Variants in CCDC141 observed in about 807,000 individuals in gnomAD.
The protein encoded by CCDC141 is coiled-coil domain containing 141.
CCDC141 carries 168 observed loss-of-function variants against 181.0 expected under a neutral mutation model. That is an observed-to-expected ratio of 0.93 (90% CI 0.82 to 1.05). The LOEUF (loss-of-function observed/expected upper bound fraction) is 1.05, where lower values mean the gene tolerates loss of function less well. Ranked by LOEUF, CCDC141 falls within the 50% of genes least tolerant of loss-of-function variation. CCDC141 has a pLI of 0.00. For missense variants in CCDC141, 1,902 were observed against 1,788.5 expected (o/e 1.06, Z -1.14); for synonymous variants, 666 against 642.3 (o/e 1.04, Z -0.56).
intron 6 of CCDC141, among the ~76,000 whole-genome samples, chr2:178,941,929 A>C (rs1689531834): frequency 1.6e-5 from 2 of 126,926 alleles, no homozygotes; most frequent in Admixed American, 1.0e-4. Flanking sequence ...ACTGTGCTCC[A>C]GCCTGAGTGA....
At chr2:178,827,167 T>C (rs1684139291), downstream of CCDC141, among the ~76,000 whole-genome samples, 1 of 152,176 alleles carries the variant, frequency 6.6e-6, no homozygotes, top group South Asian at 2.1e-4. Flanking sequence ...ATTTTTGAGC[T>C]TTGTTATTAA....
In CCDC141 at chr2:178,961,347, G is replaced by T; in HGVS notation, c.663C>A (p.Asp221Glu). 6.4e-7 allele frequency: 1 copy of T among 1,550,588 alleles called. No homozygotes were observed. Among genetic ancestry groups the T allele is most frequent in the Non-Finnish European group, 8.7e-7 (1 of 1,146,958 alleles). Reference protein sequence around the residue: ...QGAHSSCLKVDRLLELLQDRR... With the variant: ...QGAHSSCLKVERLLELLQDRR... The stretch of plus-strand genomic sequence containing the variant: ...TGTCTTGTAGAAGTTCAAGAAGGCG[G>T]TCAACCTTCAGACAGCTGCTATGAG... The change falls in exon 5 of 24, where the codon GAC becomes GAA. Residue 221 changes from aspartate (D) to glutamate (E), a missense_variant. Coordinates refer to ENST00000443758, the MANE Select transcript of CCDC141 (RefSeq NM_173648.4).
At chr2:178,982,415 A>G (rs1691460155) in intron 2 of CCDC141, among the ~76,000 whole-genome samples, 1 of 152,232 alleles carries the variant, frequency 6.6e-6, no homozygotes, top group Admixed American at 6.5e-5. Flanking sequence ...AGACTTGTAC[A>G]TTGAAAACTA....
At chr2:178,938,584 A>C (rs899139127) in intron 6 of CCDC141, among the ~76,000 whole-genome samples, 1 of 152,108 alleles carries the variant, frequency 6.6e-6, no homozygotes, top group Non-Finnish European at 1.5e-5. Flanking sequence ...TTTGGGATAA[A>C]AGGTTCTGTA....
At chr2:178,898,160 T>G (rs1687502530) in intron 8 of CCDC141, among the ~76,000 whole-genome samples, 2 of 152,208 alleles carry the variant, frequency 1.3e-5, no homozygotes, top group Admixed American at 6.5e-5. Flanking sequence ...GATGGATTAA[T>G]GTATGTTTCA....
chr2:178,978,314 A>G (rs1559021636), intron 3 of CCDC141, among the ~76,000 whole-genome samples, 170 bp downstream of exon 3: 1 of 152,172 alleles, frequency 6.6e-6, no homozygotes, highest in Admixed American at 6.6e-5. Context: ...AAATAGTAAT[A>G]ATTTTGTTTT....
chr2:178,987,119 G>A (rs1274721624), intron 2 of CCDC141, among the ~76,000 whole-genome samples: 6 of 127,104 alleles, frequency 4.7e-5, no homozygotes, highest in African/African-American at 1.8e-4. Context: ...CCAAAACAGA[G>A]ATATAGATCA....
chr2:178,824,300 A>C, the CCDC141 span, among the ~76,000 whole-genome samples: 174 of 152,276 alleles, frequency 1.1e-3, no homozygotes, highest in African/African-American at 3.9e-3. Context: ...AATGGATTAG[A>C]GTCAGAGCAC....
intron 21 of CCDC141, among the ~76,000 whole-genome samples, chr2:178,847,847 T>A (rs1685005788): frequency 1.3e-5 from 2 of 152,172 alleles, no homozygotes; most frequent in Non-Finnish European, 2.9e-5. Context: ...ATAGGATTAG[T>A]GCCCTTAGAA....
At chr2:178,823,147 T>C in the CCDC141 span, among the ~76,000 whole-genome samples, 1 of 148,824 alleles carries the variant, frequency 6.7e-6, no homozygotes, top group Non-Finnish European at 1.5e-5. Context: ...TTGGTGTACG[T>C]TAATGGTGGT....
At chr2:178,864,535 G>C (rs1685762341) in intron 17 of CCDC141, among the ~76,000 whole-genome samples, 1 of 152,186 alleles carries the variant, frequency 6.6e-6, no homozygotes, top group South Asian at 2.1e-4. Context: ...AAACTCTACA[G>C]TCCTGTAGCA....
chr2:179,026,901 G>T (rs2042861457), intron 2 of CCDC141, among the ~76,000 whole-genome samples: 1 of 152,234 alleles, frequency 6.6e-6, no homozygotes, highest in African/African-American at 2.4e-5. Context: ...TTTTGGACTT[G>T]CATGGGGCCT....
At chr2:178,905,756 T>G (rs1017394449) in intron 7 of CCDC141, among the ~76,000 whole-genome samples, 6 of 152,196 alleles carry the variant, frequency 3.9e-5, no homozygotes, top group African/African-American at 1.4e-4. Context: ...ATAGTTTACA[T>G]TGAGAATGTA....
At chr2:179,034,965 A>G (rs1271755326) in intron 2 of CCDC141, among the ~76,000 whole-genome samples, 1 of 152,184 alleles carries the variant, frequency 6.6e-6, no homozygotes, top group Admixed American at 6.5e-5. Flanking sequence ...TTTGTCCATT[A>G]AATTAGTCTA....
chr2:178,859,459 C>T (rs1685512949), intron 17 of CCDC141, among the ~76,000 whole-genome samples: 1 of 151,908 alleles, frequency 6.6e-6, no homozygotes, highest in African/African-American at 2.4e-5. Flanking sequence ...TGGGGAATGG[C>T]GGGATGGGGC....
intron 6 of CCDC141, among the ~76,000 whole-genome samples, chr2:178,927,317 T>G (rs1273966079): frequency 6.6e-6 from 1 of 152,068 alleles, no homozygotes; most frequent in African/African-American, 2.4e-5. Context: ...TCAGCACCTT[T>G]TATGAACACA....
At chr2:178,929,347 G>T (rs1460609731) in intron 6 of CCDC141, among the ~76,000 whole-genome samples, 1 of 152,082 alleles carries the variant, frequency 6.6e-6, no homozygotes, top group African/African-American at 2.4e-5. Flanking sequence ...TTTTTATACA[G>T]GTTAATAAAT....
chr2:178,855,495 G>C lies in CCDC141; in HGVS notation c.2912C>G (p.Ser971Cys), dbSNP rs1685343859. The C allele has an allele frequency of 4.4e-6, 7 of 1,602,594 alleles. No homozygotes were observed. The highest frequency in any genetic ancestry group is 6.0e-6 in the Non-Finnish European group (7 of 1,176,218). Residue 971 changes from serine (S) to cysteine (C), a missense_variant, in exon 19 of 24, where the codon TCT (serine) becomes TGT (cysteine). Transcript: ENST00000443758. ...TTTATCACTTGGATAATTTAAGAAA[G>C]AATCAGAGGTTTTATTACTAACTTT... ...MEKVSNKTSD[S>C]FLNYPSDKVN...
intron 6 of CCDC141, among the ~76,000 whole-genome samples, chr2:178,931,001 G>T (rs116376069): frequency 0.012 from 1,872 of 152,190 alleles, 25 homozygotes; most frequent in Middle Eastern, 0.055. Context: ...GAACATTTTG[G>T]TCAAAGGGCT....
Sources: allele counts gnomAD v4.1 joint callset (sites outside exome capture counted in the v4.1 genomes callset), GRCh38; gene constraint gnomAD v4.1.1; transcripts MANE v1.5; gene names NCBI Gene and HGNC (gene_info 2026-07-23, HGNC 2026-07-21).